NBPF26: variants seen among roughly 807,000 people sequenced by gnomAD.
NBPF26 encodes NBPF family member NBPF26.
In NBPF26, 79 loss-of-function variants were observed where a neutral mutation model predicts 119.6. The ratio of observed to expected loss-of-function variants is 0.66; its 90% CI spans 0.55 to 0.80. The LOEUF is 0.80. NBPF26 is among the 30% of genes least tolerant of loss of function. The pLI is 0.00. For synonymous variants in NBPF26, 299 were observed against 457.7 expected, an observed-to-expected ratio of 0.65 and a Z score of 4.43; for missense variants, 800 against 1,198.2, an observed-to-expected ratio of 0.67 and a Z score of 4.91.
At chr1:120,842,051 G>A (rs1652529677), downstream of NBPF26, among the ~76,000 whole-genome samples, 1 of 100,264 alleles carries the variant, frequency 1.0e-5, no homozygotes, top group Non-Finnish European at 1.8e-5. Context: ...TTCTCTGCCT[G>A]AGTTTTAATT....
chr1:120,811,736 G>C lies in NBPF26; in HGVS notation c.1565-150G>C. On this transcript the variant is annotated intron_variant, in intron 9 of 29. Coordinates refer to ENST00000620612, the Ensembl canonical transcript of NBPF26. ...ATAGCTAAGACAAGTTGACTTAAAG[G>C]AGATCAAGACTGGAGATGACAAGAG... 2 of 547,350 alleles carry C rather than the reference G, an allele frequency of 3.7e-6. 1 individual carries two copies. Among genetic ancestry groups the C allele is most frequent in the Non-Finnish European group, 6.4e-6 (2 of 312,130 alleles). The allele number at this position is 547,350 out of a possible 1,614,324, so 33.9% of individuals were successfully genotyped here.
At chr1:120,724,511 G>A (rs1650795010) in intron 1 of NBPF26, among the ~76,000 whole-genome samples, 2 of 120,296 alleles carry the variant, frequency 1.7e-5, no homozygotes, top group South Asian at 4.8e-4. Context: ...GAGGGAGGCC[G>A]GCAGCAAGTC....
rs1424941539 is a variant in NBPF26 at position 120,808,422 on chromosome 1, C to T, written c.1065-123C>T. 9.5e-5 allele frequency: 81 copies of T among 854,238 alleles called. 11 individuals are homozygous for T. Among genetic ancestry groups the T allele is most frequent in the East Asian group, 2.5e-4 (10 of 40,252 alleles). The allele number at this position is 854,238 out of a possible 1,614,324, so 52.9% of individuals were successfully genotyped here. ...TCTTGGCCACAGACATTCCTTTCAA[C>T]GTGTGCTGACCTTCTGTTTCAAGGT... On this transcript the variant is annotated intron_variant, in intron 6 of 29. Transcript: ENST00000620612.
At chr1:120,808,292 C>A (rs1268931285) in intron 6 of NBPF26, among the ~76,000 whole-genome samples, 1 of 119,432 alleles carries the variant, frequency 8.4e-6, no homozygotes, top group South Asian at 2.6e-4. Flanking sequence ...TAGGAAGACA[C>A]CTACTTTTGT....
In NBPF26 at chr1:120,764,137, C is replaced by T. The variant is rs1332140262; in HGVS notation, c.155+428C>T. On this transcript the variant is annotated intron_variant, in intron 2 of 29. Transcript: ENST00000620612. Reference sequence around the variant, plus strand: ...TGGCGCATGACTGGAGTCCCAGCTACTCGGGAGGCTGAGGCAGGAGAGTGA... The same window carrying T: ...TGGCGCATGACTGGAGTCCCAGCTATTCGGGAGGCTGAGGCAGGAGAGTGA... Among the ~76,000 whole-genome samples the T allele has an allele frequency of 6.2e-5, 7 of 112,086 alleles. 2 individuals are homozygous for T. Among genetic ancestry groups the T allele is most frequent in the African/African-American group, 2.6e-4 (5 of 19,504 alleles). 73.5% of individuals were successfully genotyped at this position (112,086 alleles called of 152,430 possible).
At position 120,813,934 on chromosome 1, in the gene NBPF26, TG is replaced by T. The variant is rs1651940102; in HGVS notation, c.1819del (p.Glu607SerfsTer33). 5 of 1,509,738 alleles carry T rather than the reference TG, an allele frequency of 3.3e-6. No individual in the cohort carries two copies. In the South Asian group the frequency reaches 5.6e-5, roughly 17 times the overall value. The allele number at this position is 1,509,738 out of a possible 1,614,324, so 93.5% of individuals were successfully genotyped here. On this transcript the variant is annotated frameshift_variant, in exon 11 of 30. Transcript: ENST00000620612. LOFTEE classifies it high-confidence loss of function. ...ATCTCATAAAATCTATGCTGAGGAA[TG>T]AGCGACAGTTCAAGGAGGAGAAGCT...
chr1:120,822,955 C>T (rs1652152054), intron 16 of NBPF26, among the ~76,000 whole-genome samples: 1 of 126,136 alleles, frequency 7.9e-6, no homozygotes, highest in African/African-American at 3.8e-5. Context: ...CTATCAAATT[C>T]TGGGTATTTA....
At chr1:120,812,935 A>G (rs1190628816) in intron 10 of NBPF26, among the ~76,000 whole-genome samples, 1 of 117,328 alleles carries the variant, frequency 8.5e-6, no homozygotes, top group Admixed American at 8.1e-5. Context: ...AATAATAATA[A>G]TAATAATAAT....
At chr1:120,807,293 G>C (rs1397869389) in intron 5 of NBPF26, among the ~76,000 whole-genome samples, 1 of 126,170 alleles carries the variant, frequency 7.9e-6, no homozygotes, top group East Asian at 2.0e-4. Flanking sequence ...AGGCTGCAAG[G>C]CTTGGGAAAG....
Position 120,813,604 on chromosome 1 carries a change from G to A in NBPF26, c.1775-287G>A, listed in dbSNP as rs1214772299. On this transcript the variant is annotated intron_variant, in intron 10 of 29. Coordinates refer to ENST00000620612, the Ensembl canonical transcript of NBPF26. ...TTGGGAAAGTGGCCCCGCATTCAGA[G>A]TCAGACCTCAGGGACTGTGAATTCT... 2.3e-5 allele frequency among the ~76,000 whole-genome samples: 3 copies of A among 128,086 alleles called. 1 individual carries two copies. Among genetic ancestry groups the A allele is most frequent in the Middle Eastern group, 7.4e-3 (2 of 270 alleles). 84.0% of individuals were successfully genotyped at this position (128,086 alleles called of 152,430 possible).
chr1:120,805,515 C>G, intron 4 of NBPF26, 41 bp from the exon 5 acceptor site: 3 of 1,233,572 alleles, frequency 2.4e-6, no homozygotes, highest in Middle Eastern at 2.7e-4. Flanking sequence ...TTGATTTCAC[C>G]AGTTTTTAAC....
rs1220100494 is a variant in NBPF26, at chr1:120,756,027, C to G, written c.74-7601C>G. 6.3e-5 allele frequency among the ~76,000 whole-genome samples: 7 copies of G among 110,806 alleles called. 1 individual carries two copies. The highest frequency in any genetic ancestry group is 2.7e-4 in the Admixed American group (3 of 11,320). 72.7% of individuals were successfully genotyped at this position (110,806 alleles called of 152,430 possible). ...ACTTCGTTTTTATTTAAATGTACCA[C>G]TTGGGATTTGAAGCTTCCGCACTTC... On this transcript the variant is annotated intron_variant, in intron 1 of 29. Transcript: ENST00000620612.
At position 120,810,064 on chromosome 1, in the gene NBPF26, G is replaced by A. The variant is rs1450686220; in HGVS notation, c.1352+181G>A. ...TGTCGTGTTTCTCTATGTGTGCCAAGTGTCATGTCTGTACCATACAGGGAT... is the reference window on the plus strand; with the variant it reads ...TGTCGTGTTTCTCTATGTGTGCCAAATGTCATGTCTGTACCATACAGGGAT... On this transcript the variant is annotated intron_variant, in intron 8 of 29. Transcript: ENST00000620612. 2.3e-5 allele frequency among the ~76,000 whole-genome samples: 3 copies of A among 131,306 alleles called. No individual in the cohort carries two copies. The South Asian group carries it at 6.7e-4, about 29-fold the overall frequency. 86.1% of individuals were successfully genotyped at this position (131,306 alleles called of 152,430 possible). A position where few individuals can be genotyped will look rare whatever the true frequency, so the allele number is the denominator to read the frequency against.
At chr1:120,823,910 T>A in intron 17 of NBPF26, 64 bp from the exon 18 acceptor site, 1 of 479,116 alleles carries the variant, frequency 2.1e-6, no homozygotes. Flanking sequence ...CCATGAAATC[T>A]AGCTGGGGCT....
At chr1:120,752,519 AATAT>A (rs1204399606) in intron 1 of NBPF26, among the ~76,000 whole-genome samples, 7 of 14,662 alleles carry the variant, frequency 4.8e-4, no homozygotes, top group Non-Finnish European at 6.0e-4. Context: ...GAAGTTCAGG[AATAT>A]ATATATATAT....
Position 120,812,082 on chromosome 1 carries a change from G to C in NBPF26, c.1761G>C (p.Gln587His). ...AACTGGCCGGCTTCCTGGCCAACCA[G>C]CAGAACAAATACAGTAAGATCTATT... is the stretch of plus-strand genomic sequence containing the variant. Residue 587 changes from glutamine (Q) to histidine (H), a missense_variant, in exon 10 of 30, where the codon CAG (glutamine) becomes CAC (histidine). Gln to His is a conservative substitution (Grantham distance 24, BLOSUM62 0). Coordinates refer to ENST00000620612, the Ensembl canonical transcript of NBPF26. 2 of 1,231,772 alleles carry C rather than the reference G, an allele frequency of 1.6e-6. 1 individual carries two copies. The highest frequency in any genetic ancestry group is 2.2e-6 in the Non-Finnish European group (2 of 892,784). The allele number at this position is 1,231,772 out of a possible 1,614,324, so 76.3% of individuals were successfully genotyped here. A position where few individuals can be genotyped will look rare whatever the true frequency, so the allele number is the denominator to read the frequency against.
At position 120,824,003 on chromosome 1, in the gene NBPF26, G is replaced by T. The variant is rs1553272410; in HGVS notation, c.2669G>T (p.Gly890Val). ...AGCAGAGAGCTGCTGGATGAGAAAG[G>T]GCCTGAAGTCTTGCAGGACTCACTG... The change falls in exon 18 of 30, where the codon GGG becomes GTG. Residue 890 changes from glycine to valine, a missense_variant. Transcript: ENST00000620612. 7.1e-5 allele frequency: 60 copies of T among 839,574 alleles called. 4 individuals are homozygous for T. The highest frequency in any genetic ancestry group is 9.7e-5 in the Non-Finnish European group (54 of 557,182). 52.0% of individuals were successfully genotyped at this position (839,574 alleles called of 1,614,324 possible).
intron 1 of NBPF26, among the ~76,000 whole-genome samples, chr1:120,745,880 G>A (rs1296173183): frequency 0.01 from 617 of 60,684 alleles, 237 homozygotes; most frequent in African/African-American, 0.072. Context: ...GTCAGTGGCA[G>A]TACAAAGACA....
rs1413045413 is a variant in NBPF26, at chr1:120,778,583, T to G, written c.156-6391T>G. Among the ~76,000 whole-genome samples the G allele has an allele frequency of 4.8e-3, 189 of 39,602 alleles. 6 individuals are homozygous for G. The highest frequency in any genetic ancestry group is 0.032 in the Admixed American group (120 of 3,808). The allele number at this position is 39,602 out of a possible 152,430, so 26.0% of individuals were successfully genotyped here. On this transcript the variant is annotated intron_variant, in intron 2 of 29. Transcript: ENST00000620612. The stretch of plus-strand genomic sequence containing the variant: ...ATTTTGCTTTGTTGTTGTTGTTGTT[T>G]TTTTTTGAATGGCCAAATCCTCGTT...
Sources: allele counts gnomAD v4.1 joint callset (sites outside exome capture counted in the v4.1 genomes callset), GRCh38; gene constraint gnomAD v4.1.1; transcripts MANE v1.5; gene names NCBI Gene and HGNC (gene_info 2026-07-23, HGNC 2026-07-21).